CNTF: variants seen among roughly 807,000 people sequenced by gnomAD.
CNTF encodes the protein Ciliary Neuronotrophic Factor.
In CNTF, 14 loss-of-function variants were observed where a neutral mutation model predicts 13.0. The ratio of observed to expected loss-of-function variants is 1.07; its 90% CI spans 0.71 to 1.68. The LOEUF (loss-of-function observed/expected upper bound fraction) is 1.68, where lower values mean the gene tolerates loss of function less well. CNTF is among the 40% of genes most tolerant of loss of function. CNTF has a pLI of 0.00. For synonymous variants in CNTF, 98 were observed against 92.4 expected (o/e 1.06, Z -0.35); for missense variants, 283 against 252.5 (o/e 1.12, Z -0.82).
rs150332486 is a variant in CNTF, at chr11:58,622,933, C to T, written c.114+67C>T. 283 of 1,056,648 alleles carry T rather than the reference C, an allele frequency of 2.7e-4. No individual in the cohort carries two copies. The East Asian group carries it at 6.6e-3, about 25-fold the overall frequency. 65.5% of individuals were successfully genotyped at this position (1,056,648 alleles called of 1,614,324 possible). On this transcript the variant is annotated intron_variant, in intron 1 of 1. Coordinates refer to ENST00000361987, the MANE Select transcript of CNTF (RefSeq NM_000614.4). ...TTTTTGATCCAGCAACTTACCATCA[C>T]GCATCAGCTCCATTACCAATTGTGA...
Position 58,625,400 on chromosome 11 carries a change from C to T in CNTF, c.*878C>T, listed in dbSNP as rs997677462. 4 of 152,128 alleles carry T rather than the reference C, an allele frequency of 2.6e-5. No individual in the cohort carries two copies. Among genetic ancestry groups the T allele is most frequent in the African/African-American group, 9.7e-5 (4 of 41,414 alleles). 9.4% of individuals were successfully genotyped at this position (152,128 alleles called of 1,614,324 possible). ...GAGGGCAGCTGGAGATCTTAAGATT[C>T]CATTTTGGAAAATGATTAGGCCCGC... On this transcript the variant is annotated 3_prime_UTR_variant, in exon 2 of 2. Transcript: ENST00000361987.
rs1040125347 is a variant in CNTF, at chr11:58,625,142, A to G, written c.*620A>G. ...AGATTTGGTTAAGCTCACACAGCTA[A>G]CAAGTAGCACACTGAGTTTGAACAC... On this transcript the variant is annotated 3_prime_UTR_variant, in exon 2 of 2. Transcript: ENST00000361987. 6.5e-6 allele frequency: 1 copy of G among 152,948 alleles called. No homozygotes were observed. The highest frequency in any genetic ancestry group is 2.4e-5 in the African/African-American group (1 of 41,466). The allele number at this position is 152,948 out of a possible 1,614,324, so 9.5% of individuals were successfully genotyped here.
intron 1 of CNTF, 57 bp from the exon 2 acceptor site, chr11:58,623,977 T>C: frequency 6.3e-7 from 1 of 1,578,336 alleles, no homozygotes; most frequent in East Asian, 2.2e-5. Context: ...TTAGGGGTGA[T>C]TTAAGGACAC....
At position 58,624,706 on chromosome 11, in the gene CNTF, G is replaced by T. The variant is rs952119171; in HGVS notation, c.*184G>T. 3 of 647,946 alleles carry T rather than the reference G, an allele frequency of 4.6e-6. No homozygotes were observed. In the African/African-American group the frequency reaches 5.5e-5, roughly 12 times the overall value. The allele number at this position is 647,946 out of a possible 1,614,324, so 40.1% of individuals were successfully genotyped here. On this transcript the variant is annotated 3_prime_UTR_variant, in exon 2 of 2. Coordinates refer to ENST00000361987, the MANE Select transcript of CNTF (RefSeq NM_000614.4). ...GGTATTTTCATCAAGTAGCGTTGGA[G>T]ACATACACAAATGGGCATACAAGTT...
rs1196047552 is a variant in CNTF, at chr11:58,624,743, G to A, written c.*221G>A. On this transcript the variant is annotated 3_prime_UTR_variant, in exon 2 of 2. Coordinates refer to ENST00000361987, the MANE Select transcript of CNTF (RefSeq NM_000614.4). ...TGGGCATACAAGTTTAGCCTGGGGG[G>A]TGTGATTTGTGTGCGTGCTTGCATG... The A allele has an allele frequency of 3.9e-6, 2 of 508,810 alleles. No individual in the cohort carries two copies. The highest frequency in any genetic ancestry group is 7.1e-6 in the Non-Finnish European group (2 of 283,492). The allele number at this position is 508,810 out of a possible 1,614,324, so 31.5% of individuals were successfully genotyped here. A position where few individuals can be genotyped will look rare whatever the true frequency, so the allele number is the denominator to read the frequency against.
At position 58,624,403 on chromosome 11, in the gene CNTF, C is replaced by T. The variant is rs1335265098; in HGVS notation, c.484C>T (p.Leu162=). ...FEKKLWGLKV[L]QELSQWTVRS... ...GAAGAAGCTGTGGGGCCTAAAGGTG[C>T]TGCAGGAGCTTTCACAGTGGACAGT... Residue 162 remains leucine (L), a synonymous_variant, in exon 2 of 2, where the codon CTG becomes TTG. Transcript: ENST00000361987. The T allele has an allele frequency of 5.6e-6, 9 of 1,613,894 alleles. No individual in the cohort carries two copies. The highest frequency in any genetic ancestry group is 1.1e-5 in the South Asian group (1 of 91,066).
At chr11:58,623,262 A>G (rs1855880540) in intron 1 of CNTF, among the ~76,000 whole-genome samples, 1 of 152,224 alleles carries the variant, frequency 6.6e-6, no homozygotes, top group Non-Finnish European at 1.5e-5. Context: ...GAAGAGTACT[A>G]TGAACGTGGG....
chr11:58,624,466 C>T lies in CNTF; in HGVS notation c.547C>T (p.Gln183Ter). Residue 183 changes from glutamine to a stop codon, truncating the protein, a stop_gained, in exon 2 of 2, where the codon CAG becomes TAG. Transcript: ENST00000361987. LOFTEE classifies it high-confidence loss of function. Reference sequence around the variant, plus strand: ...TGACCTTCGTTTCATTTCTTCTCATCAGACTGGGATCCCAGCACGTGGGAG... The same window carrying T: ...TGACCTTCGTTTCATTTCTTCTCATTAGACTGGGATCCCAGCACGTGGGAG... Reference protein sequence around the residue: ...IHDLRFISSHQTGIPARGSHY... With the variant: ...IHDLRFISSH 1 of 1,614,006 alleles carries T rather than the reference C, an allele frequency of 6.2e-7. No homozygotes were observed. Among genetic ancestry groups the T allele is most frequent in the South Asian group, 1.1e-5 (1 of 91,048 alleles).
intron 1 of CNTF, 73 bp downstream of exon 1, chr11:58,622,939 A>T: frequency 1.0e-6 from 1 of 990,110 alleles, no homozygotes; most frequent in Non-Finnish European, 1.6e-6. Flanking sequence ...ATCACGCATC[A>T]GCTCCATTAC....
At chr11:58,623,369 T>C (rs1855881986) in intron 1 of CNTF, among the ~76,000 whole-genome samples, 1 of 152,224 alleles carries the variant, frequency 6.6e-6, no homozygotes, top group Non-Finnish European at 1.5e-5. Context: ...AAGAGAAAGG[T>C]AAGCTATCAA....
In CNTF at chr11:58,624,648, C is replaced by A; in HGVS notation, c.*126C>A. 1 of 1,114,404 alleles carries A rather than the reference C, an allele frequency of 9.0e-7. No homozygotes were observed. Among genetic ancestry groups the A allele is most frequent in the Non-Finnish European group, 1.3e-6 (1 of 764,592 alleles). 69.0% of individuals were successfully genotyped at this position (1,114,404 alleles called of 1,614,324 possible). A position where few individuals can be genotyped will look rare whatever the true frequency, so the allele number is the denominator to read the frequency against. ...ACAACAGGCATTTTCTTTCTTTTTT[C>A]TCTGACCACCTGCAGCCTGTTGAAG... On this transcript the variant is annotated 3_prime_UTR_variant, in exon 2 of 2. Coordinates refer to ENST00000361987, the MANE Select transcript of CNTF (RefSeq NM_000614.4).
chr11:58,624,223 G>A lies in CNTF; in HGVS notation c.304G>A (p.Glu102Lys), dbSNP rs143626643. The A allele has an allele frequency of 1.0e-4, 168 of 1,613,922 alleles. 1 individual carries two copies. The African/African-American group carries it at 1.8e-3, about 18-fold the overall frequency. The stretch of plus-strand genomic sequence containing the variant: ...CCAGCAGGTGCATTTTACCCCAACC[G>A]AAGGTGACTTCCATCAAGCTATACA... ...EDQQVHFTPT[E>K]GDFHQAIHTL... The change falls in exon 2 of 2, where the codon GAA becomes AAA. Residue 102 changes from glutamate to lysine, a missense_variant. Coordinates refer to ENST00000361987, the MANE Select transcript of CNTF (RefSeq NM_000614.4).
At chr11:58,623,518 A>G (rs990909693) in intron 1 of CNTF, among the ~76,000 whole-genome samples, 7 of 152,128 alleles carry the variant, frequency 4.6e-5, no homozygotes, top group Admixed American at 4.6e-4. Context: ...AAATACTCCA[A>G]CCCCTGTGGA....
Position 58,622,823 on chromosome 11 carries a change from C to T in CNTF, c.71C>T (p.Ala24Val), listed in dbSNP as rs768790834. ...RDLCSRSIWL[A>V]RKIRSDLTAL... is the part of the protein sequence containing the mutation. ...CTCTGTAGCCGCTCTATCTGGCTAG[C>T]AAGGAAGATTCGTTCAGACCTGACT... The change falls in exon 1 of 2, where the codon GCA (alanine) becomes GTA (valine). Residue 24 changes from alanine (A) to valine (V), a missense_variant. Ala to Val is a moderately conservative substitution (Grantham distance 64). Coordinates refer to ENST00000361987, the MANE Select transcript of CNTF (RefSeq NM_000614.4). 7 of 1,614,064 alleles carry T rather than the reference C, an allele frequency of 4.3e-6. No individual in the cohort carries two copies. Among genetic ancestry groups the T allele is most frequent in the Non-Finnish European group, 5.9e-6 (7 of 1,179,950 alleles).
rs956132240 is a variant in CNTF, at chr11:58,625,310, C to T, written c.*788C>T. ...CTGGAAAACAGCTGCTGTTAGATGT[C>T]CTCAGAAGTCAGTTGCAAATTTTAG... On this transcript the variant is annotated 3_prime_UTR_variant, in exon 2 of 2. Transcript: ENST00000361987. The T allele has an allele frequency of 9.2e-5, 14 of 152,216 alleles. No homozygotes were observed. Among genetic ancestry groups the T allele is most frequent in the African/African-American group, 2.9e-4 (12 of 41,442 alleles). 9.4% of individuals were successfully genotyped at this position (152,216 alleles called of 1,614,324 possible).
intron 1 of CNTF, among the ~76,000 whole-genome samples, chr11:58,623,334 C>T (rs1233568141): frequency 6.6e-6 from 1 of 152,166 alleles, no homozygotes; most frequent in Non-Finnish European, 1.5e-5. Flanking sequence ...TTTTAGTATT[C>T]TGCATCAAAA....
In CNTF at chr11:58,624,160, C is replaced by T. The variant is rs764894160; in HGVS notation, c.241C>T (p.Arg81Cys). Reference protein sequence around the residue: ...ERLQENLQAYRTFHVLLARLL... With the variant: ...ERLQENLQAYCTFHVLLARLL... ...ACTCCAAGAGAACCTTCAAGCTTAT[C>T]GTACCTTCCATGTTTTGTTGGCCAG... is the stretch of plus-strand genomic sequence containing the variant. Residue 81 changes from arginine to cysteine, a missense_variant, in exon 2 of 2, where the codon CGT becomes TGT. Arg to Cys is a radical substitution (Grantham distance 180). Coordinates refer to ENST00000361987, the MANE Select transcript of CNTF (RefSeq NM_000614.4). The T allele has an allele frequency of 1.5e-5, 24 of 1,613,906 alleles. No homozygotes were observed. In the Admixed American group the frequency reaches 2.7e-4, roughly 18 times the overall value.
At chr11:58,623,007 T>G in intron 1 of CNTF, 141 bp downstream of exon 1, 9 of 708,508 alleles carry the variant, frequency 1.3e-5, no homozygotes, top group Admixed American at 2.0e-5. Context: ...CATGGGCCCT[T>G]CCCTTGAGGA....
In CNTF at chr11:58,624,015, T is replaced by G. The variant is rs367832420; in HGVS notation, c.115-19T>G. ...GGGTGATGACAGAAGATGTGGTGTT[T>G]TCCTGTATCCTCGGCCAGGTGAAGC... On this transcript the variant is annotated intron_variant, in intron 1 of 1. Transcript: ENST00000361987. 5.6e-6 allele frequency: 9 copies of G among 1,609,920 alleles called. No homozygotes were observed. The highest frequency in any genetic ancestry group is 2.7e-5 in the African/African-American group (2 of 74,754).
Sources: allele counts gnomAD v4.1 joint callset (sites outside exome capture counted in the v4.1 genomes callset), GRCh38; gene constraint gnomAD v4.1.1; transcripts MANE v1.5; gene names NCBI Gene and HGNC (gene_info 2026-07-23, HGNC 2026-07-21).